The following TEX36 variants were observed in gnomAD, a reference collection of about 807,000 sequenced individuals.
TEX36 encodes the protein testis expressed 36.
A neutral mutation model predicts 13.6 loss-of-function variants in TEX36; 12 were observed. That is an observed-to-expected ratio of 0.88 (90% confidence interval 0.56 to 1.43). The LOEUF (loss-of-function observed/expected upper bound fraction) is 1.43. Among genes scored for constraint, TEX36 ranks in the 40% most tolerant of loss-of-function variants. The probability of loss-of-function intolerance (pLI) is 0.00; values close to 1 mark genes in which losing one functional copy is unlikely to be tolerated. For synonymous variants in TEX36, 93 were observed against 83.0 expected (o/e 1.12, Z -0.65); for missense variants, 224 against 228.3 (o/e 0.98, Z 0.12).
At chr10:125,626,889 C>T (rs1364672701) in intron 3 of TEX36, among the ~76,000 whole-genome samples, 1 of 152,166 alleles carries the variant, frequency 6.6e-6, no homozygotes, top group East Asian at 1.9e-4. Flanking sequence ...TTGCACTTCC[C>T]TCCAGCACGA....
intron 3 of TEX36, among the ~76,000 whole-genome samples, chr10:125,638,161 TC>T (rs111396351): frequency 0.069 from 9,484 of 137,862 alleles, 892 homozygotes; most frequent in African/African-American, 0.22. Context: ...GACAACCCCC[TC>T]CCCCAGCCCC....
intron 3 of TEX36, among the ~76,000 whole-genome samples, chr10:125,583,462 G>A (rs996221929): frequency 2.0e-5 from 3 of 152,168 alleles, no homozygotes; most frequent in African/African-American, 7.2e-5. Context: ...AAGAACAAAA[G>A]GTTCTTTTTG....
At chr10:125,613,523 A>T (rs535306200) in intron 3 of TEX36, among the ~76,000 whole-genome samples, 8 of 143,752 alleles carry the variant, frequency 5.6e-5, no homozygotes, top group African/African-American at 2.1e-4. Context: ...GAGTTAGAAT[A>T]TGCGGTGTTT....
At chr10:125,654,420 G>A (rs1846909895), downstream of TEX36, among the ~76,000 whole-genome samples, 1 of 152,148 alleles carries the variant, frequency 6.6e-6, no homozygotes, top group Non-Finnish European at 1.5e-5. Context: ...CCTTACTGAA[G>A]GACATAAAGT....
chr10:125,594,802 T>G (rs1266749041), intron 3 of TEX36, among the ~76,000 whole-genome samples: 1 of 152,162 alleles, frequency 6.6e-6, no homozygotes, highest in East Asian at 1.9e-4. Flanking sequence ...AGAAAAAGAA[T>G]AGCAGCATAA....
At chr10:125,670,948 T>A (rs560608679) in intron 1 of TEX36, among the ~76,000 whole-genome samples, 1 of 152,314 alleles carries the variant, frequency 6.6e-6, no homozygotes, top group African/African-American at 2.4e-5. Context: ...TATGTGTCTG[T>A]TTTTGTACTA....
chr10:125,604,580 G>A (rs1266309996), intron 3 of TEX36, among the ~76,000 whole-genome samples: 4 of 152,268 alleles, frequency 2.6e-5, no homozygotes, highest in East Asian at 1.9e-4. Context: ...TTGGGAGGCC[G>A]AGGCGGGCAG....
intron 3 of TEX36, among the ~76,000 whole-genome samples, chr10:125,591,999 C>A (rs1589744334): frequency 6.6e-6 from 1 of 152,180 alleles, no homozygotes; most frequent in Non-Finnish European, 1.5e-5. Flanking sequence ...CACGATAGAA[C>A]TGCAAATAAA....
chr10:125,597,140 A>G (rs1191915037), intron 3 of TEX36, among the ~76,000 whole-genome samples: 1 of 152,154 alleles, frequency 6.6e-6, no homozygotes, highest in Non-Finnish European at 1.5e-5. Context: ...TAGAGCTGCA[A>G]AGTGCTTACA....
At chr10:125,625,940 G>A (rs969087290) in intron 3 of TEX36, among the ~76,000 whole-genome samples, 1 of 152,202 alleles carries the variant, frequency 6.6e-6, no homozygotes, top group African/African-American at 2.4e-5. Context: ...ACACCGAGGT[G>A]TGCCGCCCAG....
At chr10:125,578,493 T>C (rs545219832) in intron 3 of TEX36, 1 of 152,310 alleles carries the variant, frequency 6.6e-6, no homozygotes, top group Non-Finnish European at 1.5e-5. Context: ...TTTCCCAAGA[T>C]AACATGGACA....
chr10:125,596,259 G>T (rs1846080999), intron 3 of TEX36, among the ~76,000 whole-genome samples: 1 of 152,100 alleles, frequency 6.6e-6, no homozygotes, highest in South Asian at 2.1e-4. Context: ...GGATTATCAA[G>T]ATGGGCCCAT....
At chr10:125,623,641 G>T (rs536593646) in intron 3 of TEX36, among the ~76,000 whole-genome samples, 25 of 150,762 alleles carry the variant, frequency 1.7e-4, no homozygotes, top group African/African-American at 5.4e-4. Flanking sequence ...ACAGCCCCAA[G>T]ACAGGAAGGT....
chr10:125,629,179 A>T (rs1341058465), intron 3 of TEX36, among the ~76,000 whole-genome samples: 1 of 152,258 alleles, frequency 6.6e-6, no homozygotes, highest in Non-Finnish European at 1.5e-5. Context: ...TGGGCTGCAG[A>T]GACCAGCACT....
intron 3 of TEX36, among the ~76,000 whole-genome samples, chr10:125,600,358 G>A (rs1846130675): frequency 6.6e-6 from 1 of 151,996 alleles, no homozygotes; most frequent in Admixed American, 6.6e-5. Flanking sequence ...GATCTGGGTG[G>A]GCAGACTCAA....
chr10:125,632,756 A>C (rs2133568528), intron 3 of TEX36, among the ~76,000 whole-genome samples: 1 of 152,274 alleles, frequency 6.6e-6, no homozygotes. Context: ...GCTTTTCTGC[A>C]GGATCCCCTC....
chr10:125,649,574 T>C (rs1846821773), intron 3 of TEX36, among the ~76,000 whole-genome samples: 1 of 152,190 alleles, frequency 6.6e-6, no homozygotes, highest in Non-Finnish European at 1.5e-5. Flanking sequence ...CCATCAATGC[T>C]AGGAAGAAAC....
intron 3 of TEX36, among the ~76,000 whole-genome samples, chr10:125,590,111 C>A (rs1308995051): frequency 6.6e-6 from 1 of 152,086 alleles, no homozygotes; most frequent in Non-Finnish European, 1.5e-5. Flanking sequence ...TTCTCTCTCT[C>A]ACTTTTTTTT....
At chr10:125,628,160 C>G (rs1445735512) in intron 3 of TEX36, among the ~76,000 whole-genome samples, 1 of 152,212 alleles carries the variant, frequency 6.6e-6, no homozygotes, top group African/African-American at 2.4e-5. Flanking sequence ...TTGTAGAATT[C>G]TGTCCTATGA....
Sources: gnomAD v4.1 joint callset for allele counts (sites outside exome capture counted in the v4.1 genomes callset) on GRCh38, gnomAD v4.1.1 for gene constraint, MANE v1.5 for transcripts, NCBI Gene and HGNC (gene_info 2026-07-23, HGNC 2026-07-21) for gene names.